The following SOS1 variants were observed in gnomAD, a reference collection of about 807,000 sequenced individuals.
SOS1 encodes SOS Ras/Rac guanine nucleotide exchange factor 1, also known as son of sevenless homolog 1.
A neutral mutation model predicts 157.6 loss-of-function variants in SOS1; 25 were observed. The ratio of observed to expected loss-of-function variants is 0.16; its 90% CI spans 0.12 to 0.22. SOS1 has a LOEUF of 0.22. Ranked by LOEUF, SOS1 falls within the 10% of genes least tolerant of loss-of-function variation. SOS1 has a pLI of 1.00. For missense variants in SOS1, 1,237 were observed against 1,599.1 expected, an observed-to-expected ratio of 0.77 and a Z score of 3.86; for synonymous variants, 528 against 534.0, an observed-to-expected ratio of 0.99 and a Z score of 0.16.
At chr2:39,110,284 G>GT (rs1387807910) in intron 1 of SOS1, among the ~76,000 whole-genome samples, 1 of 152,016 alleles carries the variant, frequency 6.6e-6, no homozygotes, top group East Asian at 1.9e-4. Context: ...TAGTTGTACT[G>GT]TATTGTTTAA....
chr2:39,110,644 T>C (rs1232562398), intron 1 of SOS1, among the ~76,000 whole-genome samples: 1 of 152,188 alleles, frequency 6.6e-6, no homozygotes, highest in Non-Finnish European at 1.5e-5. Flanking sequence ...TCCTACCTTG[T>C]ATCACAACAC....
intron 1 of SOS1, among the ~76,000 whole-genome samples, chr2:39,110,039 CGT>C (rs779110307): frequency 0.1 from 13,623 of 135,380 alleles, 729 homozygotes; most frequent in Non-Finnish European, 0.13. Flanking sequence ...TGTGTGTGTG[CGT>C]GTGTGTGTGT....
chr2:39,117,776 TAGA>T (rs771066723), intron 1 of SOS1, among the ~76,000 whole-genome samples: 2 of 152,190 alleles, frequency 1.3e-5, no homozygotes, highest in Non-Finnish European at 2.9e-5. Context: ...AGGAATAGAC[TAGA>T]AGAACATGTC....
At chr2:39,040,192 A>AT (rs1166274854) in intron 6 of SOS1, among the ~76,000 whole-genome samples, 1 of 148,782 alleles carries the variant, frequency 6.7e-6, no homozygotes, top group Non-Finnish European at 1.5e-5. Flanking sequence ...TTTTTTTTGT[A>AT]TTTTTTAGTA....
At chr2:39,028,051 G>A (rs1041442401) in intron 8 of SOS1, among the ~76,000 whole-genome samples, 5 of 152,002 alleles carry the variant, frequency 3.3e-5, no homozygotes, top group South Asian at 2.1e-4. Flanking sequence ...GGCTGGTCTC[G>A]AACTCCTTGG....
intron 17 of SOS1, among the ~76,000 whole-genome samples, chr2:39,003,461 G>T (rs1159265472): frequency 6.6e-6 from 1 of 152,142 alleles, no homozygotes; most frequent in Non-Finnish European, 1.5e-5. Flanking sequence ...GGAAGTTAAT[G>T]ACCAATTATG....
upstream of SOS1, among the ~76,000 whole-genome samples, chr2:39,123,195 C>T (rs1341134058): frequency 1.3e-5 from 2 of 152,134 alleles, no homozygotes; most frequent in Admixed American, 1.3e-4. Flanking sequence ...TCCAAGAGGC[C>T]TTCTCCGATC....
At chr2:39,087,586 A>C (rs910792306) in intron 1 of SOS1, among the ~76,000 whole-genome samples, 4 of 152,230 alleles carry the variant, frequency 2.6e-5, no homozygotes, top group African/African-American at 9.6e-5. Context: ...CAATCTCCAA[A>C]GTCTCAAGCG....
At position 39,022,376 on chromosome 2, in the gene SOS1, TA is replaced by T. The variant is rs941713945; in HGVS notation, c.1858+193del. 508 of 583,216 alleles carry T rather than the reference TA, an allele frequency of 8.7e-4. 1 individual carries two copies. Among genetic ancestry groups the T allele is most frequent in the African/African-American group, 6.8e-3 (364 of 53,568 alleles). The allele number at this position is 583,216 out of a possible 1,614,324, so 36.1% of individuals were successfully genotyped here. A position where few individuals can be genotyped will look rare whatever the true frequency, so the allele number is the denominator to read the frequency against. On this transcript the variant is annotated intron_variant, in intron 10 of 22. Coordinates refer to ENST00000402219, the MANE Select transcript of SOS1 (RefSeq NM_005633.4). The stretch of plus-strand genomic sequence containing the variant: ...TCTCATCTATAACTGATGGTAAGGT[TA>T]AAAAAAAGTATTTAAGTGTAGTAGA...
intron 1 of SOS1, among the ~76,000 whole-genome samples, chr2:39,074,885 A>C (rs1168684266): frequency 6.6e-6 from 1 of 152,008 alleles, no homozygotes; most frequent in Admixed American, 6.6e-5. Context: ...AAAAAAAAAA[A>C]AAAAAAGGCA....
At chr2:39,097,924 A>C (rs1672829203) in intron 1 of SOS1, among the ~76,000 whole-genome samples, 1 of 152,180 alleles carries the variant, frequency 6.6e-6, no homozygotes, top group Admixed American at 6.5e-5. Context: ...TATTTCTTGG[A>C]ATCTATATAA....
chr2:39,050,780 A>G (rs568722513), intron 6 of SOS1, among the ~76,000 whole-genome samples: 2 of 152,314 alleles, frequency 1.3e-5, no homozygotes, highest in South Asian at 4.1e-4. Context: ...CACACAACTA[A>G]TAAGCAGCAG....
At chr2:39,013,626 C>T in intron 12 of SOS1, 63 bp from the exon 13 acceptor site, 1 of 1,097,526 alleles carries the variant, frequency 9.1e-7, no homozygotes, top group Non-Finnish European at 1.4e-6. Flanking sequence ...TCACAATGCA[C>T]AGTACAATAC....
At chr2:39,080,317 C>A (rs1037449580) in intron 1 of SOS1, among the ~76,000 whole-genome samples, 1 of 151,950 alleles carries the variant, frequency 6.6e-6, no homozygotes, top group Admixed American at 6.6e-5. Flanking sequence ...TGAAAAGAGG[C>A]GGAGTTTTGG....
chr2:39,013,317 G>A (rs1168733017), intron 13 of SOS1, 143 bp downstream of exon 13: 2 of 652,792 alleles, frequency 3.1e-6, no homozygotes, highest in African/African-American at 3.7e-5. Flanking sequence ...GCTATTTGAT[G>A]AAAATTTTTA....
chr2:39,028,570 G>A lies in SOS1; in HGVS notation c.1075-4433C>T, dbSNP rs919139512. 2.0e-5 allele frequency among the ~76,000 whole-genome samples: 3 copies of A among 152,114 alleles called. No individual in the cohort carries two copies. In the East Asian group the frequency reaches 5.8e-4, roughly 29 times the overall value. On this transcript the variant is annotated intron_variant, in intron 8 of 22. Coordinates refer to ENST00000402219, the MANE Select transcript of SOS1 (RefSeq NM_005633.4). ...ACCATTTACTTGAAGGCACTAACAG[G>A]CAGGTACTAGATCCACAATTCTTGA...
At chr2:39,047,503 G>GC (rs1330917295) in intron 6 of SOS1, among the ~76,000 whole-genome samples, 1 of 152,094 alleles carries the variant, frequency 6.6e-6, no homozygotes, top group Non-Finnish European at 1.5e-5. Context: ...ACTTCCAACT[G>GC]CTCCATGGTT....
chr2:39,075,305 TAGGAC>T (rs1328171259), intron 1 of SOS1, among the ~76,000 whole-genome samples: 1 of 152,112 alleles, frequency 6.6e-6, no homozygotes, highest in African/African-American at 2.4e-5. Flanking sequence ...ACCACCAACT[TAGGAC>T]AGGAAATACT....
At chr2:39,047,878 G>C (rs1670847292) in intron 6 of SOS1, among the ~76,000 whole-genome samples, 1 of 152,154 alleles carries the variant, frequency 6.6e-6, no homozygotes, top group South Asian at 2.1e-4. Context: ...ATGTTGGCCA[G>C]GCTCGTCTCA....
Sources: gnomAD v4.1 joint callset for allele counts (sites outside exome capture counted in the v4.1 genomes callset) on GRCh38, gnomAD v4.1.1 for gene constraint, MANE v1.5 for transcripts, NCBI Gene and HGNC (gene_info 2026-07-23, HGNC 2026-07-21) for gene names.